Variants in EHBP1 observed in about 807,000 individuals in gnomAD.
The protein encoded by EHBP1 is EH domain binding protein 1.
Under a neutral mutation model 144.0 loss-of-function variants are expected in EHBP1, and 55 were observed. That is an observed-to-expected ratio of 0.38 (90% CI 0.31 to 0.48). EHBP1 has a LOEUF of 0.48. Among genes scored for constraint, EHBP1 ranks in the 20% least tolerant of loss-of-function variants. The pLI, the probability that EHBP1 is intolerant of heterozygous loss-of-function variation, is 0.98. For missense variants in EHBP1, 1,200 were observed against 1,364.2 expected, an observed-to-expected ratio of 0.88 and a Z score of 1.90; for synonymous variants, 469 against 472.7, an observed-to-expected ratio of 0.99 and a Z score of 0.10.
At chr2:62,925,742 TGAA>T (rs1194771376) in intron 10 of EHBP1, among the ~76,000 whole-genome samples, 1 of 152,034 alleles carries the variant, frequency 6.6e-6, no homozygotes, top group East Asian at 1.9e-4. Flanking sequence ...AAAACACTGA[TGAA>T]AGAAATTGAA....
chr2:62,881,437 A>AAAG (rs1294604179), intron 10 of EHBP1, among the ~76,000 whole-genome samples: 1 of 151,454 alleles, frequency 6.6e-6, no homozygotes, highest in African/African-American at 2.4e-5. Flanking sequence ...AAAAAAAAAA[A>AAAG]AAGAAGGAAA....
At chr2:62,808,053 T>TAA (rs748262301) in intron 5 of EHBP1, among the ~76,000 whole-genome samples, 1 of 137,894 alleles carries the variant, frequency 7.3e-6, no homozygotes. Flanking sequence ...ACCCTATCTC[T>TAA]AAAAAAAAAA....
chr2:62,797,632 C>T (rs981835220), intron 5 of EHBP1, among the ~76,000 whole-genome samples: 1 of 152,128 alleles, frequency 6.6e-6, no homozygotes, highest in African/African-American at 2.4e-5. Flanking sequence ...AAACTTTTGC[C>T]TGTTAATTGT....
intron 1 of EHBP1, among the ~76,000 whole-genome samples, chr2:62,699,938 G>A (rs1320149123): frequency 6.6e-6 from 1 of 152,198 alleles, no homozygotes; most frequent in Non-Finnish European, 1.5e-5. Flanking sequence ...AGATGCTGTG[G>A]AGCTGGACAA....
At chr2:62,970,407 T>C (rs1379332924) in intron 14 of EHBP1, among the ~76,000 whole-genome samples, 1 of 152,184 alleles carries the variant, frequency 6.6e-6, no homozygotes, top group Non-Finnish European at 1.5e-5. Context: ...GTGGGTTTTT[T>C]TTGGTAGAAA....
At chr2:62,872,725 C>A (rs896328466) in intron 9 of EHBP1, among the ~76,000 whole-genome samples, 1 of 152,090 alleles carries the variant, frequency 6.6e-6, no homozygotes, top group Non-Finnish European at 1.5e-5. Flanking sequence ...CAAAAAGAAA[C>A]CTCATACCTA....
intron 10 of EHBP1, among the ~76,000 whole-genome samples, chr2:62,936,006 G>A (rs555060669): frequency 7.9e-5 from 12 of 152,194 alleles, no homozygotes; most frequent in South Asian, 4.1e-4. Flanking sequence ...TGTTCAAGAC[G>A]TGTTATCCTT....
chr2:62,979,425 G>A, intron 15 of EHBP1, 90 bp downstream of exon 15: 1 of 1,386,626 alleles, frequency 7.2e-7, no homozygotes, highest in Non-Finnish European at 9.7e-7. Flanking sequence ...TCAAAATGTT[G>A]CTTCAAAAAT....
At chr2:62,870,025 T>A (rs1173972871) in intron 9 of EHBP1, among the ~76,000 whole-genome samples, 3 of 152,202 alleles carry the variant, frequency 2.0e-5, no homozygotes, top group African/African-American at 4.8e-5. Context: ...ATACATAAAC[T>A]TTTGTGTATT....
chr2:62,760,965 G>T (rs558121548), intron 3 of EHBP1, among the ~76,000 whole-genome samples: 1 of 152,276 alleles, frequency 6.6e-6, no homozygotes, highest in East Asian at 1.9e-4. Context: ...GAAAGATTCA[G>T]TGATTACACT....
Position 62,942,736 on chromosome 2 carries a change from C to T in EHBP1, c.1204C>T (p.Pro402Ser), listed in dbSNP as rs572871049. 7 of 1,605,310 alleles carry T rather than the reference C, an allele frequency of 4.4e-6. No homozygotes were observed. In the African/African-American group the frequency reaches 8.0e-5, roughly 18 times the overall value. Reference protein sequence around the residue: ...TSPKPSPIPSPVLGRKPNASQ... With the variant: ...TSPKPSPIPSSVLGRKPNASQ... ...TTTCTAGCCAAGCCCTATACCAAGTCCTGTTTTGGGGCGAAAGCCAAATGC... is the reference window on the plus strand; with the variant it reads ...TTTCTAGCCAAGCCCTATACCAAGTTCTGTTTTGGGGCGAAAGCCAAATGC... Residue 402 changes from proline (P) to serine (S), a missense_variant, in exon 11 of 23, where the codon CCT (proline) becomes TCT (serine). Physicochemically the swap from Pro to Ser is moderately conservative, Grantham distance 74. Coordinates refer to ENST00000431489, the MANE Select transcript of EHBP1 (RefSeq NM_001142616.3).
intron 1 of EHBP1, among the ~76,000 whole-genome samples, chr2:62,688,788 G>A (rs1166490083): frequency 1.3e-5 from 2 of 151,878 alleles, no homozygotes; most frequent in African/African-American, 2.4e-5. Context: ...AAAAGCATAA[G>A]AAACCAAACA....
At chr2:62,717,644 A>G (rs1473337075) in intron 2 of EHBP1, among the ~76,000 whole-genome samples, 1 of 152,176 alleles carries the variant, frequency 6.6e-6, no homozygotes, top group Non-Finnish European at 1.5e-5. Flanking sequence ...AGTTTGGTTT[A>G]TTAAAACATT....
intron 15 of EHBP1, among the ~76,000 whole-genome samples, chr2:62,982,064 G>A (rs992079658): frequency 3.9e-5 from 6 of 152,164 alleles, no homozygotes; most frequent in African/African-American, 1.2e-4. Context: ...AAAGGGATAC[G>A]GAATAGACTA....
chr2:62,855,029 G>A (rs1415593826), intron 7 of EHBP1, among the ~76,000 whole-genome samples: 1 of 152,174 alleles, frequency 6.6e-6, no homozygotes, highest in African/African-American at 2.4e-5. Flanking sequence ...TGTGGACCTG[G>A]GCCTCCCACT....
chr2:62,826,225 C>G lies in EHBP1; in HGVS notation c.451C>G (p.Gln151Glu). The change falls in exon 6 of 23, where the codon CAG becomes GAG. Residue 151 changes from glutamine to glutamate, a missense_variant. Physicochemically the swap from Gln to Glu is conservative, Grantham distance 29 (BLOSUM62 2). Coordinates refer to ENST00000431489, the MANE Select transcript of EHBP1 (RefSeq NM_001142616.3). ...TAAAAAAGTTGTATCTGCCGCTCTT[C>G]AGTTTTCATTATCTTGCATTTTTCT... is the stretch of plus-strand genomic sequence containing the variant. ...LSKKVVSAAL[Q>E]FSLSCIFLRE... 1 of 1,602,858 alleles carries G rather than the reference C, an allele frequency of 6.2e-7. No individual in the cohort carries two copies.
intron 5 of EHBP1, among the ~76,000 whole-genome samples, chr2:62,809,456 G>T (rs955347741): frequency 6.6e-6 from 1 of 152,064 alleles, no homozygotes; most frequent in Non-Finnish European, 1.5e-5. Context: ...AAAGCATGGG[G>T]TTGCCGTGTG....
chr2:62,721,143 T>C (rs2036184319), intron 2 of EHBP1, among the ~76,000 whole-genome samples: 1 of 152,224 alleles, frequency 6.6e-6, no homozygotes, highest in Admixed American at 6.5e-5. Context: ...TAATAGTTTT[T>C]AGTCTTTTTT....
At chr2:63,040,756 G>A (rs540000786) in intron 21 of EHBP1, among the ~76,000 whole-genome samples, 12 of 152,300 alleles carry the variant, frequency 7.9e-5, no homozygotes, top group South Asian at 6.2e-4. Context: ...ACTGTCTTAA[G>A]AAAGAGGCCT....
Sources: allele counts gnomAD v4.1 joint callset (sites outside exome capture counted in the v4.1 genomes callset), GRCh38; gene constraint gnomAD v4.1.1; transcripts MANE v1.5; gene names NCBI Gene and HGNC (gene_info 2026-07-23, HGNC 2026-07-21).